PCTP: variants seen among roughly 807,000 people sequenced by gnomAD.
PCTP encodes phosphatidylcholine transfer protein.
In PCTP, 27 loss-of-function variants were observed where a neutral mutation model predicts 31.0. The ratio of observed to expected loss-of-function variants is 0.87; its 90% CI spans 0.64 to 1.20. The LOEUF (loss-of-function observed/expected upper bound fraction) is 1.20. Ranked by LOEUF, PCTP falls within the 50% of genes most tolerant of loss-of-function variation. The pLI is 0.00. For synonymous variants in PCTP, 108 were observed against 101.2 expected (o/e 1.07, Z -0.40); for missense variants, 287 against 268.2 (o/e 1.07, Z -0.49).
intron 5 of PCTP, among the ~76,000 whole-genome samples, chr17:55,829,112 A>G (rs962709386): frequency 2.6e-5 from 4 of 152,068 alleles, no homozygotes; most frequent in African/African-American, 9.7e-5. Flanking sequence ...TGAGATTGAT[A>G]GTTAAGCCAG....
chr17:55,802,730 G>A (rs1179513230), intron 3 of PCTP, among the ~76,000 whole-genome samples: 1 of 152,090 alleles, frequency 6.6e-6, no homozygotes, highest in Non-Finnish European at 1.5e-5. Context: ...CATAATAAGA[G>A]CTATTTATGA....
downstream of PCTP, among the ~76,000 whole-genome samples, chr17:55,778,079 G>A (rs1470433232): frequency 2.6e-5 from 4 of 152,088 alleles, no homozygotes; most frequent in African/African-American, 9.7e-5. Flanking sequence ...AAAGGTTACA[G>A]TGTTTGCTGT....
chr17:55,774,886 G>T (rs1322408868), intron 5 of PCTP, 27 bp downstream of exon 5: 3 of 552,764 alleles, frequency 5.4e-6, no homozygotes, highest in Non-Finnish European at 1.1e-5. Flanking sequence ...TGGGGCGGGG[G>T]GAGGGATGGG....
chr17:55,752,519 G>A (rs186821744), intron 1 of PCTP, among the ~76,000 whole-genome samples: 135 of 152,214 alleles, frequency 8.9e-4, no homozygotes, highest in African/African-American at 3.0e-3. Flanking sequence ...CTAAATAAAT[G>A]GAGAATATAG....
chr17:55,767,863 C>T (rs778327537), intron 2 of PCTP, among the ~76,000 whole-genome samples: 15 of 143,774 alleles, frequency 1.0e-4, no homozygotes, highest in Middle Eastern at 4.1e-3. Flanking sequence ...GAGGCTGAGG[C>T]GGACAGATCA....
intron 3 of PCTP, among the ~76,000 whole-genome samples, chr17:55,820,263 C>T (rs1913072061): frequency 6.6e-6 from 1 of 152,184 alleles, no homozygotes; most frequent in African/African-American, 2.4e-5. Flanking sequence ...TTCTGCAAAT[C>T]ATATATCTGA....
chr17:55,756,306 T>C (rs955683287), intron 1 of PCTP, among the ~76,000 whole-genome samples: 1 of 152,094 alleles, frequency 6.6e-6, no homozygotes, highest in Non-Finnish European at 1.5e-5. Context: ...TAAAGTACTT[T>C]AAAGAAAATG....
downstream of PCTP, among the ~76,000 whole-genome samples, chr17:55,843,649 C>A (rs919992232): frequency 3.9e-5 from 6 of 152,164 alleles, no homozygotes; most frequent in African/African-American, 1.2e-4. Context: ...TCCCATAAGA[C>A]CCCAGGCAAA....
At chr17:55,850,315 C>T in the PCTP span, among the ~76,000 whole-genome samples, 4 of 152,146 alleles carry the variant, frequency 2.6e-5, no homozygotes, top group South Asian at 2.1e-4. Flanking sequence ...ATAGGAGTGT[C>T]GATTTTCAAA....
chr17:55,787,873 C>A (rs1273863913), intron 3 of PCTP, among the ~76,000 whole-genome samples: 1 of 152,144 alleles, frequency 6.6e-6, no homozygotes, highest in Non-Finnish European at 1.5e-5. Context: ...CCCTTATCCC[C>A]TAAAATTCCC....
Position 55,800,604 on chromosome 17 carries a change from G to A in PCTP, c.317+12950G>A, listed in dbSNP as rs187198167. 5.2e-4 allele frequency among the ~76,000 whole-genome samples: 79 copies of A among 152,076 alleles called. 1 individual carries two copies. Among genetic ancestry groups the A allele is most frequent in the Middle Eastern group, 3.4e-3 (1 of 294 alleles). On this transcript the variant is annotated intron_variant, in intron 3 of 3. Coordinates refer to the PCTP transcript ENST00000572536. The stretch of plus-strand genomic sequence containing the variant: ...ATTCATCAAACTCATTCTCCATCCA[G>A]TTTTGTTCCCTTGCTGGTGAGGAGT...
chr17:55,757,969 C>T (rs1440150600), intron 1 of PCTP, among the ~76,000 whole-genome samples: 1 of 152,154 alleles, frequency 6.6e-6, no homozygotes, highest in Non-Finnish European at 1.5e-5. Context: ...ATGTGGTCCC[C>T]TGAGCAGTGC....
At chr17:55,790,939 A>ATAGAT (rs1911942865) in intron 3 of PCTP, among the ~76,000 whole-genome samples, 2 of 151,542 alleles carry the variant, frequency 1.3e-5, no homozygotes, top group Non-Finnish European at 1.5e-5. Context: ...ACAGCATGAT[A>ATAGAT]CTGGTACCAA....
intron 2 of PCTP, chr17:55,770,816 C>G: frequency 4.1e-6 from 1 of 245,234 alleles, no homozygotes; most frequent in Non-Finnish European, 7.8e-6. Flanking sequence ...ACCTGCTAGG[C>G]TTGGATGATC....
At chr17:55,823,060 G>A (rs1905287579) in exon 4 of PCTP, 1 of 301,864 alleles carries the variant, frequency 3.3e-6, no homozygotes, top group Admixed American at 5.1e-5. Context: ...TGGAAAGATA[G>A]CAGTGAATAA....
At chr17:55,753,388 C>T (rs1440751249) in intron 1 of PCTP, among the ~76,000 whole-genome samples, 1 of 152,214 alleles carries the variant, frequency 6.6e-6, no homozygotes, top group African/African-American at 2.4e-5. Context: ...TAATAGCTAA[C>T]ATTTATTGCA....
At position 55,776,556 on chromosome 17, in the gene PCTP, A is replaced by T. The variant is rs973429053; in HGVS notation, c.*456A>T. ...AGCTTGTGATTTCTTCCAGCTTGGG[A>T]GGGGCTGCTGGAAGTGGCATTTCGT... is the stretch of plus-strand genomic sequence containing the variant. On this transcript the variant is annotated 3_prime_UTR_variant, in exon 6 of 6. Transcript: ENST00000268896. 1 of 1,231,810 alleles carries T rather than the reference A, an allele frequency of 8.1e-7. No homozygotes were observed. The highest frequency in any genetic ancestry group is 1.0e-6 in the Non-Finnish European group (1 of 988,334). The allele number at this position is 1,231,810 out of a possible 1,614,324, so 76.3% of individuals were successfully genotyped here. A position where few individuals can be genotyped will look rare whatever the true frequency, so the allele number is the denominator to read the frequency against.
intron 1 of PCTP, among the ~76,000 whole-genome samples, chr17:55,760,752 G>A (rs1403098427): frequency 6.6e-6 from 1 of 152,080 alleles, no homozygotes; most frequent in African/African-American, 2.4e-5. Flanking sequence ...GGCCTGTTGG[G>A]CAAACACACC....
intron 1 of PCTP, among the ~76,000 whole-genome samples, chr17:55,763,185 A>C (rs1029636100): frequency 2.6e-5 from 4 of 152,172 alleles, no homozygotes; most frequent in African/African-American, 9.7e-5. Context: ...TATATCTCTA[A>C]TTTTAAGAGA....
Sources: allele counts gnomAD v4.1 joint callset (sites outside exome capture counted in the v4.1 genomes callset), GRCh38; gene constraint gnomAD v4.1.1; transcripts MANE v1.5; gene names NCBI Gene and HGNC (gene_info 2026-07-23, HGNC 2026-07-21).